PDSS2: variants seen among roughly 807,000 people sequenced by gnomAD.
PDSS2 encodes decaprenyl diphosphate synthase subunit 2.
PDSS2 carries 31 observed loss-of-function variants against 44.5 expected under a neutral mutation model. That is an observed-to-expected ratio of 0.70 (90% CI 0.52 to 0.94). The LOEUF is 0.94. Ranked by LOEUF, PDSS2 falls within the 40% of genes least tolerant of loss-of-function variation. The probability of loss-of-function intolerance (pLI) is 0.00; values close to 1 mark genes in which losing one functional copy is unlikely to be tolerated. For missense variants in PDSS2, 452 were observed against 482.2 expected, an observed-to-expected ratio of 0.94 and a Z score of 0.59; for synonymous variants, 157 against 180.3, an observed-to-expected ratio of 0.87 and a Z score of 1.03.
chr6:107,168,301 C>T lies in PDSS2; in HGVS notation c.1042-13524G>A, dbSNP rs1273955815. ...TTTATCAGAGACTAGGATTGCAACCCCTGCCTTTTTTGTTTTCCATTTGCT... is the reference window on the plus strand; with the variant it reads ...TTTATCAGAGACTAGGATTGCAACCTCTGCCTTTTTTGTTTTCCATTTGCT... On this transcript the variant is annotated intron_variant, in intron 7 of 7. Transcript: ENST00000369037. 1.2e-4 allele frequency among the ~76,000 whole-genome samples: 18 copies of T among 152,016 alleles called. 1 individual carries two copies. The highest frequency in any genetic ancestry group is 2.9e-5 in the Non-Finnish European group (2 of 68,020).
intron 4 of PDSS2, among the ~76,000 whole-genome samples, chr6:107,218,191 A>G (rs148279368): frequency 1.4e-4 from 22 of 152,302 alleles, no homozygotes; most frequent in African/African-American, 5.1e-4. Context: ...TTAAATTTAG[A>G]TATTTGGCTC....
At chr6:107,421,037 T>C (rs1393371740) in intron 1 of PDSS2, among the ~76,000 whole-genome samples, 2 of 152,182 alleles carry the variant, frequency 1.3e-5, no homozygotes, top group Non-Finnish European at 2.9e-5. Context: ...GCAAAAAGAC[T>C]TGAGTATTCA....
intron 2 of PDSS2, among the ~76,000 whole-genome samples, chr6:107,285,969 G>A (rs1452322658): frequency 1.3e-5 from 2 of 151,668 alleles, no homozygotes; most frequent in Admixed American, 6.6e-5. Context: ...GCAAAACCCC[G>A]TCCCTACTAA....
intron 7 of PDSS2, among the ~76,000 whole-genome samples, chr6:107,183,079 A>G (rs1200803026): frequency 6.6e-6 from 1 of 151,980 alleles, no homozygotes; most frequent in Non-Finnish European, 1.5e-5. Context: ...GGGTGTGGTG[A>G]CATGCAACTG....
At chr6:107,428,560 G>C (rs1231061966) in intron 1 of PDSS2, among the ~76,000 whole-genome samples, 1 of 152,134 alleles carries the variant, frequency 6.6e-6, no homozygotes, top group Non-Finnish European at 1.5e-5. Context: ...AGACGCAGTG[G>C]CTCATACCTG....
intron 7 of PDSS2, among the ~76,000 whole-genome samples, chr6:107,182,213 AT>A (rs1453622339): frequency 6.6e-6 from 1 of 152,238 alleles, no homozygotes; most frequent in Non-Finnish European, 1.5e-5. Flanking sequence ...ATAGGAATGA[AT>A]AATGTCGAGA....
intron 1 of PDSS2, among the ~76,000 whole-genome samples, chr6:107,443,267 C>T (rs1050987825): frequency 3.3e-5 from 5 of 152,240 alleles, no homozygotes; most frequent in Non-Finnish European, 5.9e-5. Context: ...CAAAAAAGCA[C>T]ATCTGCTTAG....
chr6:107,441,790 T>C (rs1033556488), intron 1 of PDSS2, among the ~76,000 whole-genome samples: 1 of 152,210 alleles, frequency 6.6e-6, no homozygotes, highest in Non-Finnish European at 1.5e-5. Flanking sequence ...TCCCTTATTC[T>C]GTGAGGTCTA....
chr6:107,202,304 G>A (rs777021656), intron 6 of PDSS2, among the ~76,000 whole-genome samples: 1 of 152,012 alleles, frequency 6.6e-6, no homozygotes, highest in African/African-American at 2.4e-5. Context: ...CTCCCAAAGT[G>A]CTGGGATTAC....
At chr6:107,223,401 T>A (rs1773682838) in intron 4 of PDSS2, among the ~76,000 whole-genome samples, 1 of 150,888 alleles carries the variant, frequency 6.6e-6, no homozygotes, top group South Asian at 2.1e-4. Context: ...TGTGGTGGCA[T>A]GTGCCTGTGG....
At chr6:107,405,503 A>C (rs1406616639) in intron 1 of PDSS2, among the ~76,000 whole-genome samples, 1 of 152,070 alleles carries the variant, frequency 6.6e-6, no homozygotes, top group Non-Finnish European at 1.5e-5. Context: ...AGGAAAAAAA[A>C]CTCACATATC....
chr6:107,391,806 A>G (rs1004334902), intron 1 of PDSS2, among the ~76,000 whole-genome samples: 5 of 152,010 alleles, frequency 3.3e-5, no homozygotes, highest in South Asian at 2.1e-4. Context: ...CTTATGCGCC[A>G]GCACTTTTTG....
chr6:107,417,400 T>C (rs922978436), intron 1 of PDSS2, among the ~76,000 whole-genome samples: 2 of 152,222 alleles, frequency 1.3e-5, no homozygotes, highest in Non-Finnish European at 1.5e-5. Context: ...TGGCAGTGAA[T>C]TTAAACACTA....
chr6:107,248,930 A>G (rs894929954), intron 3 of PDSS2, among the ~76,000 whole-genome samples: 7 of 152,216 alleles, frequency 4.6e-5, no homozygotes, highest in Non-Finnish European at 1.0e-4. Flanking sequence ...ACCTAGAATT[A>G]TAATAAAACA....
At chr6:107,284,422 A>C (rs1776072183) in intron 2 of PDSS2, among the ~76,000 whole-genome samples, 1 of 152,154 alleles carries the variant, frequency 6.6e-6, no homozygotes, top group Admixed American at 6.6e-5. Flanking sequence ...GCACTTCGGG[A>C]GGCCAACACA....
At chr6:107,264,250 A>G in intron 3 of PDSS2, 6 of 1,301,612 alleles carry the variant, frequency 4.6e-6, no homozygotes, top group Non-Finnish European at 5.0e-6. Flanking sequence ...GCATAAATTG[A>G]GCATATTTGT....
At chr6:107,394,254 C>A (rs1399061944) in intron 1 of PDSS2, among the ~76,000 whole-genome samples, 1 of 152,102 alleles carries the variant, frequency 6.6e-6, no homozygotes, top group East Asian at 1.9e-4. Flanking sequence ...CCATTCCCTG[C>A]ATTGCTATGA....
chr6:107,165,259 C>T (rs1771301026), intron 7 of PDSS2, among the ~76,000 whole-genome samples: 1 of 152,202 alleles, frequency 6.6e-6, no homozygotes, highest in Non-Finnish European at 1.5e-5. Flanking sequence ...TCCTGAATGG[C>T]ATTGCCTAGG....
In PDSS2 at chr6:107,459,099, G is replaced by A; in HGVS notation, c.187C>T (p.Pro63Ser). 6.2e-7 allele frequency: 1 copy of A among 1,614,072 alleles called. No individual in the cohort carries two copies. Among genetic ancestry groups the A allele is most frequent in the Non-Finnish European group, 8.5e-7 (1 of 1,180,018 alleles). Residue 63 changes from proline (P) to serine (S), a missense_variant, in exon 1 of 8, where the codon CCC becomes TCC. By Grantham distance (74) the Pro-to-Ser change is moderately conservative. Transcript: ENST00000369037. This position sits in a 1 kb window ranked among gnomAD's most constrained non-coding sequence, Gnocchi z 4.3. ...CAGCGAAGGCTCATGAAGGACGTGG[G>A]GTACCCCACGATCTTCTCCGCCTCT... ...VSEAEKIVGYPTSFMSLRCLL... is the reference protein window; with the variant it reads ...VSEAEKIVGYSTSFMSLRCLL...
Sources: gnomAD v4.1 joint callset for allele counts (sites outside exome capture counted in the v4.1 genomes callset) on GRCh38, gnomAD v4.1.1 for gene constraint, Gnocchi (gnomAD v3.1) non-coding constraint, MANE v1.5 for transcripts, NCBI Gene and HGNC (gene_info 2026-07-23, HGNC 2026-07-21) for gene names.